The following TOPAZ1 variants were observed in gnomAD, a reference collection of about 807,000 sequenced individuals.
The protein encoded by TOPAZ1 is testis and ovary specific TOPAZ 1.
In TOPAZ1, 66 loss-of-function variants were observed where a neutral mutation model predicts 172.2. The ratio of observed to expected loss-of-function variants is 0.38; its 90% confidence interval spans 0.31 to 0.47. TOPAZ1 has a LOEUF of 0.47. TOPAZ1 is among the 20% of genes least tolerant of loss of function. The pLI, the probability that TOPAZ1 is intolerant of heterozygous loss-of-function variation, is 0.99. For synonymous variants in TOPAZ1, 681 were observed against 683.9 expected (o/e 1.00, Z 0.07); for missense variants, 1,822 against 1,972.4 (o/e 0.92, Z 1.44).
rs1312883362 is a variant in TOPAZ1, at chr3:44,244,698, G to A, written c.2192G>A (p.Ser731Asn). Reference sequence around the variant, plus strand: ...GGAGCAGACGTAAGACAGAACAGGAGTAAAGAAAATGTCTCCATGATGATG... The same window carrying A: ...GGAGCAGACGTAAGACAGAACAGGAATAAAGAAAATGTCTCCATGATGATG... Reference protein sequence around the residue: ...LSGADVRQNRSKENVSMMMLG... With the variant: ...LSGADVRQNRNKENVSMMMLG... Residue 731 changes from serine to asparagine, a missense_variant, in exon 2 of 20, where the codon AGT becomes AAT. By Grantham distance (46) the Ser-to-Asn change is conservative (BLOSUM62 1). This residue lies in a region of TOPAZ1 where 1,489 missense variants were observed against 1,490.8 expected (regional missense o/e 1.00). Coordinates refer to ENST00000309765, the MANE Select transcript of TOPAZ1 (RefSeq NM_001145030.2). 1.9e-6 allele frequency: 3 copies of A among 1,551,276 alleles called. No individual in the cohort carries two copies. The highest frequency in any genetic ancestry group is 4.9e-5 in the East Asian group (2 of 40,924).
chr3:44,265,862 C>T (rs1324428317), intron 5 of TOPAZ1, among the ~76,000 whole-genome samples: 1 of 152,164 alleles, frequency 6.6e-6, no homozygotes, highest in Non-Finnish European at 1.5e-5. Context: ...AAGAGAGAGC[C>T]AGTCTATTCG....
chr3:44,276,391 G>A (rs1415376414), intron 8 of TOPAZ1, among the ~76,000 whole-genome samples: 1 of 151,958 alleles, frequency 6.6e-6, no homozygotes, highest in African/African-American at 2.4e-5. Context: ...TTCTGAATAT[G>A]GATATCTTAA....
At chr3:44,287,689 A>G in intron 10 of TOPAZ1, 58 bp from the exon 11 acceptor site, 1 of 1,102,744 alleles carries the variant, frequency 9.1e-7, no homozygotes, top group Non-Finnish European at 1.3e-6. Flanking sequence ...AATTTGAGAA[A>G]TTTAAGGTGT....
At chr3:44,245,560 G>A (rs1238231355) in intron 2 of TOPAZ1, among the ~76,000 whole-genome samples, 1 of 107,138 alleles carries the variant, frequency 9.3e-6, no homozygotes, top group Non-Finnish European at 1.7e-5. Context: ...TTTTTTTAAC[G>A]GAGTCTCGCT....
downstream of TOPAZ1, among the ~76,000 whole-genome samples, chr3:44,336,131 T>C (rs1422051483): frequency 1.3e-5 from 2 of 152,234 alleles, no homozygotes; most frequent in Non-Finnish European, 2.9e-5. Context: ...GGACTACAGA[T>C]TAGTAAGTCA....
chr3:44,300,459 C>T (rs1700259297), intron 12 of TOPAZ1, among the ~76,000 whole-genome samples: 1 of 151,830 alleles, frequency 6.6e-6, no homozygotes. Context: ...GGGCTAAAGA[C>T]ATAAACATGT....
chr3:44,267,239 A>G (rs1699840189), intron 6 of TOPAZ1, 103 bp downstream of exon 6: 9 of 939,272 alleles, frequency 9.6e-6, no homozygotes, highest in South Asian at 4.8e-5. Context: ...GAAAAATGGA[A>G]TCATGTAGAA....
intron 12 of TOPAZ1, among the ~76,000 whole-genome samples, chr3:44,293,366 A>G (rs1045150815): frequency 6.6e-6 from 1 of 152,202 alleles, no homozygotes; most frequent in African/African-American, 2.4e-5. Flanking sequence ...AGAAGTAGGC[A>G]TTATTGTCAT....
At chr3:44,306,265 G>A (rs1447840580) in intron 14 of TOPAZ1, 61 bp from the exon 15 acceptor site, 1 of 1,070,410 alleles carries the variant, frequency 9.3e-7, no homozygotes, top group East Asian at 2.6e-5. Context: ...GTATTAGTTT[G>A]CCTCTTCCAT....
At chr3:44,256,019 A>G (rs899455240) in intron 3 of TOPAZ1, 132 bp from the exon 4 acceptor site, 4 of 523,340 alleles carry the variant, frequency 7.6e-6, no homozygotes, top group Non-Finnish European at 1.3e-5. Context: ...TTCGCTGAAA[A>G]CTCTGCTTCA....
chr3:44,336,483 G>T (rs140561261), downstream of TOPAZ1, among the ~76,000 whole-genome samples: 1 of 152,202 alleles, frequency 6.6e-6, no homozygotes, highest in South Asian at 2.1e-4. Context: ...TTTGCCCTGG[G>T]ATCATCCACA....
chr3:44,252,777 G>A (rs1699649519), intron 2 of TOPAZ1, among the ~76,000 whole-genome samples: 1 of 151,830 alleles, frequency 6.6e-6, no homozygotes, highest in Non-Finnish European at 1.5e-5. Flanking sequence ...GCCCCACCTT[G>A]TACTGGAATT....
At position 44,281,980 on chromosome 3, in the gene TOPAZ1, G is replaced by A; in HGVS notation, c.3385G>A (p.Val1129Met). 1.3e-6 allele frequency: 2 copies of A among 1,546,472 alleles called. No homozygotes were observed. The highest frequency in any genetic ancestry group is 1.7e-4 in the Middle Eastern group (1 of 5,982). Residue 1129 changes from valine (V) to methionine (M), a missense_variant, in exon 9 of 20, where the codon GTG becomes ATG. Transcript: ENST00000309765. ...EQGDEKVCMD[V>M]FKKYININEL... ...GTGACTTTTGCAGGTTTGCATGGAT[G>A]TGTTTAAGAAATATATAAATATCAA...
In TOPAZ1 at chr3:44,243,823, C is replaced by T. The variant is rs1417712436; in HGVS notation, c.1317C>T (p.Ser439=). The change falls in exon 2 of 20, where the codon AGC becomes AGT. Residue 439 remains serine (S), a synonymous_variant. Transcript: ENST00000309765. The part of the protein sequence containing the change: ...ENASEPLGYE[S]MASKEDFKSM... Reference sequence around the variant, plus strand: ...CTTCAGAGCCGTTAGGTTATGAAAGCATGGCATCGAAAGAGGATTTTAAAT... The same window carrying T: ...CTTCAGAGCCGTTAGGTTATGAAAGTATGGCATCGAAAGAGGATTTTAAAT... 1 of 1,551,560 alleles carries T rather than the reference C, an allele frequency of 6.4e-7. No homozygotes were observed. Among genetic ancestry groups the T allele is most frequent in the Non-Finnish European group, 8.7e-7 (1 of 1,146,978 alleles).
At position 44,323,165 on chromosome 3, in the gene TOPAZ1, T is replaced by C. The variant is rs1419916741; in HGVS notation, c.4545T>C (p.Leu1515=). ...GTTCCTGTATAGAAAGCAGTAGTCT[T>C]GGTATGTCATCCTCTGTGGCAGAAT... is the stretch of plus-strand genomic sequence containing the variant. ...LLGSCIESSS[L]GMSSSVAEFM... is the part of the protein sequence containing the mutation. The change falls in exon 18 of 20, where the codon CTT becomes CTC. Residue 1515 remains leucine (L), a synonymous_variant. Coordinates refer to ENST00000309765, the MANE Select transcript of TOPAZ1 (RefSeq NM_001145030.2). The C allele has an allele frequency of 6.4e-7, 1 of 1,550,400 alleles. No individual in the cohort carries two copies.
chr3:44,321,281 A>C (rs1191803340), intron 17 of TOPAZ1, 90 bp downstream of exon 17: 30 of 880,238 alleles, frequency 3.4e-5, no homozygotes, highest in Non-Finnish European at 4.7e-5. Flanking sequence ...GTTTTGATTG[A>C]GTTTTATATT....
At chr3:44,267,709 A>G (rs1017110561) in intron 6 of TOPAZ1, among the ~76,000 whole-genome samples, 2 of 152,180 alleles carry the variant, frequency 1.3e-5, no homozygotes, top group African/African-American at 4.8e-5. Flanking sequence ...GTGTATATGT[A>G]TTTTAGAACT....
chr3:44,264,626 C>T (rs577597290), intron 5 of TOPAZ1, among the ~76,000 whole-genome samples: 1 of 152,320 alleles, frequency 6.6e-6, no homozygotes, highest in East Asian at 1.9e-4. Context: ...CATCAGTTGA[C>T]ACTTCTTTTC....
intron 2 of TOPAZ1, among the ~76,000 whole-genome samples, chr3:44,249,712 G>A (rs1201203942): frequency 6.6e-6 from 1 of 152,138 alleles, no homozygotes; most frequent in African/African-American, 2.4e-5. Context: ...AGAGAATTAA[G>A]GTTTCAATTC....
Sources: allele counts gnomAD v4.1 joint callset (sites outside exome capture counted in the v4.1 genomes callset), GRCh38; gene constraint gnomAD v4.1.1; regional missense constraint gnomAD v4.1.1; transcripts MANE v1.5; gene names NCBI Gene and HGNC (gene_info 2026-07-23, HGNC 2026-07-21).